The following ULK4 variants were observed in gnomAD, a reference collection of about 807,000 sequenced individuals.
ULK4 encodes the protein inactive serine/threonine-protein kinase ULK4.
ULK4 carries 133 observed loss-of-function variants against 160.6 expected under a neutral mutation model. The observed-to-expected ratio is 0.83, with a 90% confidence interval of 0.72 to 0.96. ULK4 has a LOEUF of 0.96. Ranked by LOEUF, ULK4 falls within the 40% of genes least tolerant of loss-of-function variation. ULK4 has a pLI of 0.00. For synonymous variants in ULK4, 534 were observed against 539.8 expected (o/e 0.99, Z 0.15); for missense variants, 1,580 against 1,499.5 (o/e 1.05, Z -0.89).
intron 22 of ULK4, among the ~76,000 whole-genome samples, chr3:41,751,439 G>T (rs1353511823): frequency 1.3e-5 from 2 of 152,154 alleles, no homozygotes; most frequent in African/African-American, 4.8e-5. Context: ...CAGGAAAAAT[G>T]GAGCCTACCT....
In ULK4 at chr3:41,445,710, C is replaced by G. The variant is rs890224135; in HGVS notation, c.3492+9787G>C. The stretch of plus-strand genomic sequence containing the variant: ...AACTGGATCCCTTCCTTACACCTTA[C>G]ACAAAAATTAATTCAAGATGGATTA... On this transcript the variant is annotated intron_variant, in intron 34 of 36. Coordinates refer to ENST00000301831, the MANE Select transcript of ULK4 (RefSeq NM_017886.4). Among the ~76,000 whole-genome samples the G allele has an allele frequency of 1.6e-4, 24 of 151,926 alleles. No individual in the cohort carries two copies. The South Asian group carries it at 1.7e-3, about 11-fold the overall frequency.
intron 9 of ULK4, 46 bp downstream of exon 9, chr3:41,912,761 A>C: frequency 6.6e-7 from 1 of 1,519,280 alleles, no homozygotes; most frequent in Non-Finnish European, 9.1e-7. Context: ...AATGGGCTTA[A>C]GTGTCCAGTA....
intron 18 of ULK4, among the ~76,000 whole-genome samples, chr3:41,830,655 T>A (rs2041548490): frequency 6.6e-6 from 1 of 152,152 alleles, no homozygotes; most frequent in Non-Finnish European, 1.5e-5. Flanking sequence ...TAGACTAGAC[T>A]GTCATTATTG....
intron 34 of ULK4, among the ~76,000 whole-genome samples, chr3:41,412,553 A>ATTTTTTTCTTTTTTTTTT (rs2082429333): frequency 1.0e-5 from 1 of 100,454 alleles, no homozygotes; most frequent in African/African-American, 4.2e-5. Context: ...ATGCAGTTGA[A>ATTTTTTTCTTTTTTTTTT]TTTTTTTTTT....
intron 35 of ULK4, among the ~76,000 whole-genome samples, chr3:41,312,877 G>C (rs1246362506): frequency 6.6e-6 from 1 of 152,120 alleles, no homozygotes; most frequent in South Asian, 2.1e-4. Context: ...GGCCCCAGGA[G>C]GGTTTTTTTC....
In ULK4 at chr3:41,800,246, G is replaced by C; in HGVS notation, c.1896C>G (p.Val632=). ...NHMAAKIIEN[V]CTTFSAQSQG... ...GGGACTGAGCAGAAAAGGTGGTACAGACATTTTCAATAATTTTTGCTGCCA... is the reference window on the plus strand; with the variant it reads ...GGGACTGAGCAGAAAAGGTGGTACACACATTTTCAATAATTTTTGCTGCCA... The change falls in exon 20 of 37, where the codon GTC becomes GTG. Residue 632 remains valine (V), a synonymous_variant. Coordinates refer to ENST00000301831, the MANE Select transcript of ULK4 (RefSeq NM_017886.4). The C allele has an allele frequency of 6.2e-7, 1 of 1,613,080 alleles. No homozygotes were observed. Among genetic ancestry groups the C allele is most frequent in the Non-Finnish European group, 8.5e-7 (1 of 1,179,752 alleles).
At chr3:41,580,071 C>T (rs530738174) in intron 31 of ULK4, among the ~76,000 whole-genome samples, 1 of 152,322 alleles carries the variant, frequency 6.6e-6, no homozygotes, top group African/African-American at 2.4e-5. Context: ...GTAACGGTGT[C>T]ACAGCCTCTT....
intron 8 of ULK4, among the ~76,000 whole-genome samples, chr3:41,913,394 T>A (rs1303696998): frequency 6.6e-6 from 1 of 151,926 alleles, no homozygotes; most frequent in Admixed American, 6.6e-5. Context: ...CCTGGATAAT[T>A]TTTTGTATTT....
intron 22 of ULK4, among the ~76,000 whole-genome samples, chr3:41,740,650 T>C (rs931899500): frequency 6.6e-6 from 1 of 151,874 alleles, no homozygotes; most frequent in Non-Finnish European, 1.5e-5. Flanking sequence ...AAAAGGCCAA[T>C]GGTGATGATG....
chr3:41,501,541 A>T (rs2085208973), intron 32 of ULK4, among the ~76,000 whole-genome samples: 1 of 152,110 alleles, frequency 6.6e-6, no homozygotes, highest in Admixed American at 6.5e-5. Context: ...AAAATTGACA[A>T]ATAAAAATTG....
chr3:41,903,415 T>C (rs1440527781), intron 12 of ULK4, among the ~76,000 whole-genome samples: 1 of 152,038 alleles, frequency 6.6e-6, no homozygotes, highest in East Asian at 1.9e-4. Flanking sequence ...TGAAACCCCA[T>C]CTGTCCTAAA....
At chr3:41,472,034 T>C (rs766114553) in intron 32 of ULK4, among the ~76,000 whole-genome samples, 1 of 146,454 alleles carries the variant, frequency 6.8e-6, no homozygotes. Flanking sequence ...AGAAAAGCAA[T>C]ACTAAAATAA....
At chr3:41,865,394 G>A (rs1192436682) in intron 17 of ULK4, among the ~76,000 whole-genome samples, 1 of 129,496 alleles carries the variant, frequency 7.7e-6, no homozygotes, top group Non-Finnish European at 1.6e-5. Context: ...ATTTTTCTTT[G>A]TGAGTCACTA....
intron 17 of ULK4, among the ~76,000 whole-genome samples, chr3:41,874,736 C>T (rs1697236290): frequency 6.6e-6 from 1 of 152,150 alleles, no homozygotes; most frequent in Non-Finnish European, 1.5e-5. Context: ...ATTAAAAAGA[C>T]TACATATTGA....
chr3:41,746,436 T>C (rs1289312255), intron 22 of ULK4, among the ~76,000 whole-genome samples: 1 of 150,928 alleles, frequency 6.6e-6, no homozygotes, highest in Non-Finnish European at 1.5e-5. Context: ...AAAGAAATAC[T>C]GGGTATATAC....
In ULK4 at chr3:41,331,580, C is replaced by T. The variant is rs184598581; in HGVS notation, c.3678+66499G>A. Among the ~76,000 whole-genome samples, 232 of 152,254 alleles carry T rather than the reference C, an allele frequency of 1.5e-3. 2 individuals carry two copies. The highest frequency in any genetic ancestry group is 5.3e-3 in the African/African-American group (219 of 41,552). On this transcript the variant is annotated intron_variant, in intron 35 of 36. Transcript: ENST00000301831. The stretch of plus-strand genomic sequence containing the variant: ...TGTCACAACATCATTTAGGATTCCT[C>T]GGTTTTTCATTTTATTCTATATTTA...
intron 35 of ULK4, among the ~76,000 whole-genome samples, chr3:41,333,511 C>A (rs997223730): frequency 9.9e-5 from 15 of 152,242 alleles, no homozygotes; most frequent in African/African-American, 3.6e-4. Flanking sequence ...CCCTGGCCAG[C>A]ATTACTCTTT....
chr3:41,247,619 G>A (rs2078668342), intron 36 of ULK4, among the ~76,000 whole-genome samples: 1 of 151,894 alleles, frequency 6.6e-6, no homozygotes, highest in Non-Finnish European at 1.5e-5. Context: ...GTGGGGGTGG[G>A]GCCCTGCATA....
At chr3:41,774,283 G>A (rs1226797220) in intron 21 of ULK4, among the ~76,000 whole-genome samples, 1 of 150,836 alleles carries the variant, frequency 6.6e-6, no homozygotes, top group Non-Finnish European at 1.5e-5. Context: ...GAGTGAACAG[G>A]CAACCTACAA....
Sources: gnomAD v4.1 joint callset for allele counts (sites outside exome capture counted in the v4.1 genomes callset) on GRCh38, gnomAD v4.1.1 for gene constraint, MANE v1.5 for transcripts, NCBI Gene and HGNC (gene_info 2026-07-23, HGNC 2026-07-21) for gene names.